Variants in SHISA6 observed in about 807,000 individuals in gnomAD.
SHISA6 encodes protein shisa-6.
In SHISA6, 22 loss-of-function variants were observed where a neutral mutation model predicts 47.9. The observed-to-expected ratio is 0.46, with a 90% CI of 0.33 to 0.66. The LOEUF is 0.66. Ranked by LOEUF, SHISA6 falls within the 30% of genes least tolerant of loss-of-function variation. The pLI is 0.02. For missense variants in SHISA6, 680 were observed against 764.6 expected, an observed-to-expected ratio of 0.89 and a Z score of 1.30; for synonymous variants, 388 against 337.8, an observed-to-expected ratio of 1.15 and a Z score of -1.63.
intron 3 of SHISA6, among the ~76,000 whole-genome samples, chr17:11,545,372 C>T (rs78113792): frequency 0.029 from 4,401 of 152,112 alleles, 106 homozygotes; most frequent in Middle Eastern, 0.068. Flanking sequence ...TATTGGTTGC[C>T]AGGCATTAAG....
chr17:11,348,565 C>A (rs1231621620), intron 2 of SHISA6, among the ~76,000 whole-genome samples: 1 of 151,958 alleles, frequency 6.6e-6, no homozygotes, highest in Non-Finnish European at 1.5e-5. Flanking sequence ...ATTCTATGAT[C>A]CCAATAGGCC....
intron 2 of SHISA6, among the ~76,000 whole-genome samples, chr17:11,333,170 G>A (rs1911190442): frequency 1.3e-5 from 2 of 152,178 alleles, no homozygotes; most frequent in Admixed American, 1.3e-4. Flanking sequence ...ACTCTGTAAT[G>A]TTCAGAGTGG....
chr17:11,427,203 G>A (rs1914632308), intron 3 of SHISA6, among the ~76,000 whole-genome samples: 5 of 151,854 alleles, frequency 3.3e-5, no homozygotes, highest in South Asian at 2.1e-4. Flanking sequence ...GCATAGTCTC[G>A]GCTCACTACA....
chr17:11,423,284 T>C (rs938964123), intron 3 of SHISA6, among the ~76,000 whole-genome samples: 1 of 148,516 alleles, frequency 6.7e-6, no homozygotes, highest in Non-Finnish European at 1.5e-5. Context: ...GTAACATATA[T>C]ATATGCCTGT....
chr17:11,522,027 A>G (rs57226882), intron 3 of SHISA6, among the ~76,000 whole-genome samples: 1,835 of 152,054 alleles, frequency 0.012, 50 homozygotes, highest in African/African-American at 0.041. Flanking sequence ...GTGCAGTGGC[A>G]CGATCTTGGC....
chr17:11,244,371 A>G (rs118105648), intron 1 of SHISA6, among the ~76,000 whole-genome samples: 461 of 152,236 alleles, frequency 3.0e-3, no homozygotes, highest in Non-Finnish European at 4.5e-3. Context: ...GGATCCATCT[A>G]CGACACTCCA....
intron 3 of SHISA6, among the ~76,000 whole-genome samples, chr17:11,428,649 C>T (rs1034810118): frequency 6.6e-6 from 1 of 152,190 alleles, no homozygotes; most frequent in African/African-American, 2.4e-5. Flanking sequence ...GATTTCACAG[C>T]TTCTCTGGGT....
chr17:11,253,121 G>A (rs543599809), intron 1 of SHISA6, among the ~76,000 whole-genome samples: 10 of 152,120 alleles, frequency 6.6e-5, no homozygotes, highest in Non-Finnish European at 1.3e-4. Flanking sequence ...TGTCACTTTC[G>A]GTGTTCTGTC....
intron 3 of SHISA6, among the ~76,000 whole-genome samples, chr17:11,481,329 A>AAT (rs1251156390): frequency 7.7e-5 from 10 of 129,448 alleles, no homozygotes; most frequent in East Asian, 4.5e-4. Context: ...CCTCTCAAAA[A>AAT]ATATATATGT....
rs144729713 is a variant in SHISA6, at chr17:11,315,708, T to A, written c.799+52182T>A. On this transcript the variant is annotated intron_variant, in intron 2 of 5. Coordinates refer to ENST00000441885, the MANE Select transcript of SHISA6 (RefSeq NM_207386.4). ...ATATTTTGATTTTCCATTCTTGAAC[T>A]TTCCCTGCATTCCTAGAATTAATTC... 4.3e-3 allele frequency among the ~76,000 whole-genome samples: 648 copies of A among 152,334 alleles called. 1 individual carries two copies. The highest frequency in any genetic ancestry group is 6.7e-3 in the Non-Finnish European group (454 of 68,004).
chr17:11,463,505 C>T (rs1171708172), intron 3 of SHISA6, among the ~76,000 whole-genome samples: 2 of 152,144 alleles, frequency 1.3e-5, no homozygotes, highest in Non-Finnish European at 2.9e-5. Flanking sequence ...CCAATCCCAC[C>T]CTCTGTTAGT....
At chr17:11,450,533 C>T (rs1915368049) in intron 3 of SHISA6, among the ~76,000 whole-genome samples, 1 of 151,928 alleles carries the variant, frequency 6.6e-6, no homozygotes, top group Admixed American at 6.6e-5. Flanking sequence ...GTGGCAAGCA[C>T]CTGTAATCCT....
chr17:11,396,997 G>C (rs1459068950), intron 3 of SHISA6, among the ~76,000 whole-genome samples: 1 of 152,122 alleles, frequency 6.6e-6, no homozygotes, highest in Non-Finnish European at 1.5e-5. Context: ...TTTGTAGGCT[G>C]GAAACGGTTC....
chr17:11,497,934 G>A (rs2071421696), intron 3 of SHISA6, among the ~76,000 whole-genome samples: 1 of 152,198 alleles, frequency 6.6e-6, no homozygotes, highest in African/African-American at 2.4e-5. Flanking sequence ...CTGGCTTGGA[G>A]GTGAGACCTT....
At chr17:11,483,877 G>A (rs1318370412) in intron 3 of SHISA6, among the ~76,000 whole-genome samples, 1 of 152,146 alleles carries the variant, frequency 6.6e-6, no homozygotes, top group Non-Finnish European at 1.5e-5. Context: ...GATCGCTTGA[G>A]TCCAAGAGGT....
intron 3 of SHISA6, among the ~76,000 whole-genome samples, chr17:11,415,986 G>C (rs927679348): frequency 3.3e-5 from 5 of 152,158 alleles, no homozygotes; most frequent in Non-Finnish European, 4.4e-5. Context: ...TTACAGATAG[G>C]CTTCGTCTCC....
At chr17:11,471,781 G>C (rs1256744601) in intron 3 of SHISA6, among the ~76,000 whole-genome samples, 2 of 152,130 alleles carry the variant, frequency 1.3e-5, no homozygotes, top group Non-Finnish European at 1.5e-5. Context: ...TTTCTTAAAA[G>C]ATATTTTTTA....
intron 3 of SHISA6, among the ~76,000 whole-genome samples, chr17:11,462,813 A>C (rs1915723985): frequency 6.6e-6 from 1 of 152,090 alleles, no homozygotes; most frequent in Admixed American, 6.6e-5. Context: ...TTTTTAGTGG[A>C]GATGAGGTTT....
intron 3 of SHISA6, among the ~76,000 whole-genome samples, chr17:11,420,385 G>T (rs189894709): frequency 2.4e-4 from 36 of 152,292 alleles, no homozygotes; most frequent in Non-Finnish European, 5.0e-4. Context: ...ATAAGACCGT[G>T]CCTATAAAAG....
Sources: gnomAD v4.1 joint callset for allele counts (sites outside exome capture counted in the v4.1 genomes callset) on GRCh38, gnomAD v4.1.1 for gene constraint, MANE v1.5 for transcripts, NCBI Gene and HGNC (gene_info 2026-07-23, HGNC 2026-07-21) for gene names.